Variants in BRD4 observed in about 807,000 individuals in gnomAD.
BRD4 encodes bromodomain-containing protein 4.
Under a neutral mutation model 142.1 loss-of-function variants are expected in BRD4, and 16 were observed. That is an observed-to-expected ratio of 0.11 (90% CI 0.08 to 0.17). The LOEUF is 0.17. BRD4 is among the 10% of genes least tolerant of loss of function. BRD4 has a pLI of 1.00. For synonymous variants in BRD4, 833 were observed against 707.5 expected (o/e 1.18, Z -2.82); for missense variants, 1,424 against 1,810.9 (o/e 0.79, Z 3.88).
chr19:15,254,293 C>A, intron 10 of BRD4, 31 bp from the exon 11 acceptor site: 1 of 1,592,486 alleles, frequency 6.3e-7, no homozygotes. Context: ...GCTGGTCAGG[C>A]AGGGCTGTGG....
At chr19:15,285,900 G>T (rs1032057786) in intron 1 of BRD4, among the ~76,000 whole-genome samples, 17 of 152,178 alleles carry the variant, frequency 1.1e-4, no homozygotes, top group African/African-American at 4.1e-4. Context: ...TGCCCACTCT[G>T]AGTTTAGTAA....
chr19:15,298,520 C>A (rs2047841623), intron 1 of BRD4, among the ~76,000 whole-genome samples: 1 of 147,644 alleles, frequency 6.8e-6, no homozygotes, highest in Non-Finnish European at 1.5e-5. Context: ...ATTCAGGAGG[C>A]TGAAGCAGAA....
At chr19:15,314,869 G>C (rs1599521566) in intron 1 of BRD4, among the ~76,000 whole-genome samples, 2 of 152,086 alleles carry the variant, frequency 1.3e-5, no homozygotes, top group Non-Finnish European at 2.9e-5. Context: ...AAATAAGTAA[G>C]GTCTAGACCA....
chr19:15,300,914 C>T (rs1377738925), intron 1 of BRD4, among the ~76,000 whole-genome samples: 4 of 152,188 alleles, frequency 2.6e-5, no homozygotes, highest in African/African-American at 9.6e-5. Flanking sequence ...AATGACCCAG[C>T]CATCTCACTT....
At position 15,244,268 on chromosome 19, in the gene BRD4, T is replaced by G; in HGVS notation, c.2544A>C (p.Pro848=). Residue 848 remains proline (P), a synonymous_variant, in exon 13 of 20, where the codon CCA becomes CCC. Coordinates refer to ENST00000679869, the MANE Select transcript of BRD4 (RefSeq NM_001379291.1). Reference sequence around the variant, plus strand: ...CCACTGCGTGCTGGTTGAGATGGGGTGGAGTGCTGTGCTCAGGCGGCTGGG... The same window carrying G: ...CCACTGCGTGCTGGTTGAGATGGGGGGGAGTGCTGTGCTCAGGCGGCTGGG... ...HLPQPPEHST[P]PHLNQHAVVS... is the part of the protein sequence containing the mutation. 6.3e-7 allele frequency: 1 copy of G among 1,583,624 alleles called. No homozygotes were observed. Among genetic ancestry groups the G allele is most frequent in the Non-Finnish European group, 8.6e-7 (1 of 1,167,518 alleles).
At chr19:15,258,136 C>A (rs1327921689) in intron 7 of BRD4, among the ~76,000 whole-genome samples, 1 of 152,214 alleles carries the variant, frequency 6.6e-6, no homozygotes, top group Non-Finnish European at 1.5e-5. Flanking sequence ...TGGAAACACA[C>A]CATGGCAAAG....
intron 11 of BRD4, chr19:15,253,680 A>T: frequency 1.3e-6 from 2 of 1,598,384 alleles, no homozygotes; most frequent in Non-Finnish European, 1.7e-6. Context: ...TCTGCTCCAC[A>T]TCCACCAGAA....
intron 4 of BRD4, 92 bp downstream of exon 4, chr19:15,267,324 C>T: frequency 1.3e-6 from 2 of 1,486,780 alleles, no homozygotes; most frequent in Non-Finnish European, 1.8e-6. Context: ...TATAATGTCA[C>T]ATCCTCCTGC....
At chr19:15,244,641 G>A (rs2145517386) in intron 12 of BRD4, 41 bp from the exon 13 acceptor site, 1 of 1,613,990 alleles carries the variant, frequency 6.2e-7, no homozygotes. Flanking sequence ...GCTGATGTCA[G>A]GCAGGCAGAA....
At chr19:15,281,008 A>C (rs2047699593) in intron 1 of BRD4, among the ~76,000 whole-genome samples, 1 of 152,254 alleles carries the variant, frequency 6.6e-6, no homozygotes, top group African/African-American at 2.4e-5. Context: ...CATCTACTTC[A>C]AATTCCTGAC....
At chr19:15,266,247 C>G (rs181865999) in intron 4 of BRD4, among the ~76,000 whole-genome samples, 37 of 152,330 alleles carry the variant, frequency 2.4e-4, no homozygotes, top group Admixed American at 5.2e-4. Context: ...AGAGCTCTAA[C>G]AAAACTGGGT....
At chr19:15,323,345 G>A (rs2048080907) in intron 1 of BRD4, among the ~76,000 whole-genome samples, 2 of 152,112 alleles carry the variant, frequency 1.3e-5, no homozygotes, top group South Asian at 4.1e-4. Context: ...CCCCTGCTGA[G>A]TGTGCCCCAG....
intron 1 of BRD4, among the ~76,000 whole-genome samples, chr19:15,276,018 G>GA (rs953913065): frequency 6.6e-5 from 10 of 152,096 alleles, no homozygotes; most frequent in African/African-American, 2.4e-4. Flanking sequence ...GAAAAGAAAA[G>GA]AAAGTGATAT....
At chr19:15,325,997 CAAAA>C (rs35801340) in intron 1 of BRD4, among the ~76,000 whole-genome samples, 27 of 50,712 alleles carry the variant, frequency 5.3e-4, no homozygotes, top group Admixed American at 2.0e-3. Context: ...GACTCCGTCT[CAAAA>C]AAAAAAAAAA....
rs550633083 is a variant in BRD4, at chr19:15,243,123, G to T, written c.2946C>A (p.Pro982=). 2.1e-6 allele frequency: 3 copies of T among 1,410,656 alleles called. No individual in the cohort carries two copies. In the African/African-American group the frequency reaches 4.5e-5, roughly 21 times the overall value. 87.4% of individuals were successfully genotyped at this position (1,410,656 alleles called of 1,614,324 possible). Residue 982 remains proline (P), a synonymous_variant, in exon 14 of 20, where the codon CCC becomes CCA. Coordinates refer to ENST00000679869, the MANE Select transcript of BRD4 (RefSeq NM_001379291.1). ...QQPPPPPPPQ[P]QPPPQQQHQP... is the part of the protein sequence containing the mutation. ...GATGCTGCTGCTGGGGTGGAGGCTG[G>T]GGCTGGGGTGGTGGGGGTGGTGGCG...
chr19:15,282,709 C>T (rs2047714245), intron 1 of BRD4, among the ~76,000 whole-genome samples: 5 of 152,204 alleles, frequency 3.3e-5, no homozygotes, highest in Admixed American at 3.3e-4. Context: ...CCTTTAAAGC[C>T]ATTTCCCCAT....
intron 11 of BRD4, 172 bp downstream of exon 11, chr19:15,253,980 G>A (rs2047378235): frequency 1.4e-6 from 1 of 695,914 alleles, no homozygotes; most frequent in African/African-American, 1.8e-5. Flanking sequence ...CAGAGTGCAG[G>A]GCTATTCATG....
At chr19:15,250,517 G>C (rs183232612) in intron 11 of BRD4, among the ~76,000 whole-genome samples, 2 of 152,284 alleles carry the variant, frequency 1.3e-5, no homozygotes, top group Admixed American at 1.3e-4. Flanking sequence ...GAGCTATTAA[G>C]AAACACCCAC....
rs192715927 is a variant in BRD4 at position 15,239,366 on chromosome 19, C to A, written c.3576+26G>T. 5 of 1,614,126 alleles carry A rather than the reference C, an allele frequency of 3.1e-6. No individual in the cohort carries two copies. The highest frequency in any genetic ancestry group is 1.6e-4 in the Middle Eastern group (1 of 6,062). ...GCACCTTCCAGGGCCAAGGGGCAAG[C>A]GACACCCATGGACCTCCATCCCAAC... On this transcript the variant is annotated intron_variant, in intron 17 of 19. Transcript: ENST00000679869. The surrounding 1 kb of genome is among the most constrained non-coding windows in gnomAD (Gnocchi z 7.4).
Sources: gnomAD v4.1 joint callset for allele counts (sites outside exome capture counted in the v4.1 genomes callset) on GRCh38, gnomAD v4.1.1 for gene constraint, Gnocchi (gnomAD v3.1) non-coding constraint, MANE v1.5 for transcripts, NCBI Gene and HGNC (gene_info 2026-07-23, HGNC 2026-07-21) for gene names.